The following TAFA2 variants were observed in gnomAD, a reference collection of about 807,000 sequenced individuals.
TAFA2 encodes the protein chemokine-like protein TAFA-2.
TAFA2 carries 7 observed loss-of-function variants against 18.8 expected under a neutral mutation model. That is an observed-to-expected ratio of 0.37 (90% CI 0.21 to 0.70). TAFA2 has a LOEUF of 0.70. Among genes scored for constraint, TAFA2 ranks in the 30% least tolerant of loss-of-function variants. The pLI, the probability that TAFA2 is intolerant of heterozygous loss-of-function variation, is 0.53. For synonymous variants in TAFA2, 60 were observed against 54.2 expected, an observed-to-expected ratio of 1.11 and a Z score of -0.47; for missense variants, 122 against 158.1, an observed-to-expected ratio of 0.77 and a Z score of 1.23.
At chr12:61,783,688 G>A (rs1255054282) in intron 2 of TAFA2, among the ~76,000 whole-genome samples, 1 of 151,548 alleles carries the variant, frequency 6.6e-6, no homozygotes, top group Non-Finnish European at 1.5e-5. Flanking sequence ...TACAGGTGAG[G>A]CAATGGGTAG....
At chr12:61,723,784 G>T (rs1274368849) in intron 4 of TAFA2, among the ~76,000 whole-genome samples, 1 of 152,034 alleles carries the variant, frequency 6.6e-6, no homozygotes. Flanking sequence ...ATGCATCAAG[G>T]TTAATGCTGG....
intron 1 of TAFA2, among the ~76,000 whole-genome samples, chr12:61,878,814 T>C (rs763907645): frequency 3.9e-5 from 6 of 152,198 alleles, no homozygotes; most frequent in African/African-American, 7.2e-5. Context: ...ACAGTATAGT[T>C]CTATTTCCCC....
chr12:61,790,469 T>C (rs1870929917), intron 2 of TAFA2, among the ~76,000 whole-genome samples: 1 of 151,864 alleles, frequency 6.6e-6, no homozygotes, highest in Admixed American at 6.6e-5. Flanking sequence ...TAGAAAATCC[T>C]AAAGACTACA....
chr12:61,955,322 G>C (rs2121461333), intron 1 of TAFA2, among the ~76,000 whole-genome samples: 1 of 151,892 alleles, frequency 6.6e-6, no homozygotes, highest in African/African-American at 2.4e-5. Context: ...AAACATTGTA[G>C]GCCGAGCATG....
At chr12:62,056,329 A>G (rs1301642986) in intron 1 of TAFA2, among the ~76,000 whole-genome samples, 1 of 152,194 alleles carries the variant, frequency 6.6e-6, no homozygotes, top group Non-Finnish European at 1.5e-5. Context: ...CTAATTTTTG[A>G]AAGTATGAAT....
At chr12:62,239,749 T>C (rs1323638731) in intron 1 of TAFA2, among the ~76,000 whole-genome samples, 1 of 152,238 alleles carries the variant, frequency 6.6e-6, no homozygotes, top group Non-Finnish European at 1.5e-5. Flanking sequence ...ATCAGATATG[T>C]GACCGAGTGA....
intron 2 of TAFA2, among the ~76,000 whole-genome samples, chr12:61,788,781 A>G (rs1218236429): frequency 2.6e-5 from 4 of 151,796 alleles, no homozygotes; most frequent in African/African-American, 9.7e-5. Flanking sequence ...ACAAACTAAT[A>G]ATCTAGAAGA....
At chr12:62,089,280 T>G (rs910365239) in intron 1 of TAFA2, among the ~76,000 whole-genome samples, 2 of 152,106 alleles carry the variant, frequency 1.3e-5, no homozygotes, top group Non-Finnish European at 2.9e-5. Context: ...GTGAATGTTA[T>G]CTGGGTAAAG....
intron 1 of TAFA2, among the ~76,000 whole-genome samples, chr12:61,990,117 A>G (rs1879951311): frequency 6.6e-6 from 1 of 152,154 alleles, no homozygotes; most frequent in African/African-American, 2.4e-5. Flanking sequence ...TTATACTTTA[A>G]CTGCTAGTAC....
At chr12:61,947,490 A>AAT (rs1878318363) in intron 1 of TAFA2, among the ~76,000 whole-genome samples, 1 of 151,664 alleles carries the variant, frequency 6.6e-6, no homozygotes. Flanking sequence ...AATAAATAAA[A>AAT]AAGAATTTTG....
intron 2 of TAFA2, among the ~76,000 whole-genome samples, chr12:61,845,983 T>C (rs1269539868): frequency 6.6e-6 from 1 of 152,192 alleles, no homozygotes; most frequent in Non-Finnish European, 1.5e-5. Flanking sequence ...ACAGAATTCA[T>C]TTTATAAAAT....
intron 1 of TAFA2, among the ~76,000 whole-genome samples, chr12:62,100,138 TAC>T (rs373455310): frequency 0.17 from 24,290 of 145,286 alleles, 2,250 homozygotes; most frequent in African/African-American, 0.25. Flanking sequence ...CAACTCCCTC[TAC>T]ACACACACAC....
At chr12:62,176,414 C>G (rs932487304) in intron 1 of TAFA2, among the ~76,000 whole-genome samples, 1 of 152,054 alleles carries the variant, frequency 6.6e-6, no homozygotes, top group East Asian at 1.9e-4. Flanking sequence ...CACCCTACCC[C>G]CAAGAAACCC....
intron 1 of TAFA2, among the ~76,000 whole-genome samples, chr12:62,208,187 G>A (rs954565466): frequency 2.6e-4 from 39 of 152,156 alleles, no homozygotes; most frequent in African/African-American, 9.2e-4. Flanking sequence ...TAGGAGGCTA[G>A]CTTATGTGAC....
At chr12:61,825,741 A>T (rs905426828) in intron 2 of TAFA2, among the ~76,000 whole-genome samples, 2 of 152,128 alleles carry the variant, frequency 1.3e-5, no homozygotes, top group African/African-American at 4.8e-5. Flanking sequence ...GTATTTTCAA[A>T]ATGTGAAAAG....
At chr12:62,085,123 T>C (rs911250138) in intron 1 of TAFA2, among the ~76,000 whole-genome samples, 7 of 152,162 alleles carry the variant, frequency 4.6e-5, no homozygotes, top group African/African-American at 1.7e-4. Flanking sequence ...CAGCAATTAA[T>C]TTTACTTTGT....
intron 2 of TAFA2, among the ~76,000 whole-genome samples, chr12:61,848,501 T>A (rs1873499220): frequency 6.6e-6 from 1 of 152,172 alleles, no homozygotes; most frequent in South Asian, 2.1e-4. Flanking sequence ...TTATGGTACA[T>A]TATTATTGCA....
intron 1 of TAFA2, among the ~76,000 whole-genome samples, chr12:61,904,898 T>C (rs1252624215): frequency 6.6e-6 from 1 of 152,188 alleles, no homozygotes; most frequent in African/African-American, 2.4e-5. Context: ...AAGTCTTTGA[T>C]TCAATAAAAT....
intron 1 of TAFA2, among the ~76,000 whole-genome samples, chr12:62,236,288 C>A (rs1440760379): frequency 1.4e-5 from 2 of 145,228 alleles, no homozygotes; most frequent in African/African-American, 5.2e-5. Context: ...TTTTTTTGAG[C>A]CAGTCTCACT....
Sources: gnomAD v4.1 joint callset for allele counts (sites outside exome capture counted in the v4.1 genomes callset) on GRCh38, gnomAD v4.1.1 for gene constraint, MANE v1.5 for transcripts, NCBI Gene and HGNC (gene_info 2026-07-23, HGNC 2026-07-21) for gene names.